The following RIMBP2 variants were observed in gnomAD, a reference collection of about 807,000 sequenced individuals.
RIMBP2 encodes the protein RIMS binding protein 2, also known as RIMS-binding protein 2.
RIMBP2 carries 48 observed loss-of-function variants against 118.6 expected under a neutral mutation model. The observed-to-expected ratio is 0.40, with a 90% CI of 0.32 to 0.51. The LOEUF (loss-of-function observed/expected upper bound fraction) is 0.51. Among genes scored for constraint, RIMBP2 ranks in the 20% least tolerant of loss-of-function variants. RIMBP2 has a pLI of 0.41. For missense variants in RIMBP2, 1,551 were observed against 1,768.3 expected, an observed-to-expected ratio of 0.88 and a Z score of 2.20; for synonymous variants, 762 against 742.9, an observed-to-expected ratio of 1.03 and a Z score of -0.42.
At chr12:130,415,511 C>T (rs1477801226) in intron 17 of RIMBP2, among the ~76,000 whole-genome samples, 1 of 152,248 alleles carries the variant, frequency 6.6e-6, no homozygotes, top group Non-Finnish European at 1.5e-5. Flanking sequence ...GATGCCTGCT[C>T]TCACCATTCC....
At chr12:130,580,702 G>T (rs1391894814) in intron 2 of RIMBP2, among the ~76,000 whole-genome samples, 1 of 152,216 alleles carries the variant, frequency 6.6e-6, no homozygotes, top group Non-Finnish European at 1.5e-5. Flanking sequence ...CACTTTGAGA[G>T]GCTGGGGCAG....
At chr12:130,643,855 A>G (rs577195662) in intron 1 of RIMBP2, among the ~76,000 whole-genome samples, 8 of 152,268 alleles carry the variant, frequency 5.3e-5, no homozygotes, top group African/African-American at 1.9e-4. Flanking sequence ...GAACAAGGAA[A>G]CTGGAGAGCA....
intron 2 of RIMBP2, among the ~76,000 whole-genome samples, chr12:130,595,206 T>TGG: frequency 6.6e-6 from 1 of 152,212 alleles, no homozygotes; most frequent in Non-Finnish European, 1.5e-5. Context: ...GAACCATCTC[T>TGG]CTCAGCAAAC....
intron 4 of RIMBP2, among the ~76,000 whole-genome samples, chr12:130,483,833 C>T (rs1321513821): frequency 6.8e-6 from 1 of 146,696 alleles, no homozygotes; most frequent in East Asian, 2.1e-4. Context: ...GAGCCCCGAC[C>T]CTCACCTACA....
At chr12:130,712,585 A>G (rs1950001254) in intron 1 of RIMBP2, among the ~76,000 whole-genome samples, 1 of 152,178 alleles carries the variant, frequency 6.6e-6, no homozygotes, top group Admixed American at 6.5e-5. Flanking sequence ...CTGCTGTCGG[A>G]TCCCTCCTGA....
intron 14 of RIMBP2, among the ~76,000 whole-genome samples, chr12:130,433,419 G>A (rs918534262): frequency 1.3e-5 from 2 of 152,190 alleles, no homozygotes; most frequent in African/African-American, 4.8e-5. Context: ...TCTGTGTAAT[G>A]TGGACCCTGT....
At chr12:130,466,622 T>A (rs2080501626) in intron 6 of RIMBP2, among the ~76,000 whole-genome samples, 1 of 152,146 alleles carries the variant, frequency 6.6e-6, no homozygotes, top group Admixed American at 6.5e-5. Flanking sequence ...CCATTGTGCT[T>A]CTAAATAAGA....
chr12:130,479,086 C>T (rs2081714312), intron 4 of RIMBP2, 70 bp from the exon 5 acceptor site: 2 of 1,291,436 alleles, frequency 1.5e-6, no homozygotes, highest in Non-Finnish European at 2.2e-6. Context: ...CTATACCCTG[C>T]ACCAAGCTGG....
In RIMBP2 at chr12:130,626,553, G is replaced by A. The variant is rs147411589; in HGVS notation, c.-217+1769C>T. 1.8e-3 allele frequency among the ~76,000 whole-genome samples: 246 copies of A among 139,902 alleles called. 1 individual carries two copies. The highest frequency in any genetic ancestry group is 2.6e-3 in the Non-Finnish European group (168 of 64,946). The allele number at this position is 139,902 out of a possible 152,430, so 91.8% of individuals were successfully genotyped here. A position where few individuals can be genotyped will look rare whatever the true frequency, so the allele number is the denominator to read the frequency against. On this transcript the variant is annotated intron_variant, in intron 2 of 22. Transcript: ENST00000690449. ...CATCTTCTCCATTACCATGACTACC[G>A]CCGGCATCACCACCATCTTCTCCAT... is the stretch of plus-strand genomic sequence containing the variant.
rs568418763 is a variant in RIMBP2, at chr12:130,469,745, G to A, written c.153+948C>T. Among the ~76,000 whole-genome samples the A allele has an allele frequency of 1.3e-5, 2 of 152,316 alleles. No homozygotes were observed. Among genetic ancestry groups the A allele is most frequent in the South Asian group, 4.2e-4 (2 of 4,818 alleles). On this transcript the variant is annotated intron_variant, in intron 6 of 22. Coordinates refer to ENST00000690449, the MANE Select transcript of RIMBP2 (RefSeq NM_001393629.1). The surrounding 1 kb of genome is among the most constrained non-coding windows in gnomAD (Gnocchi z 4.8). ...TGGCTGCTGCTCCCCCAGGGACACA[G>A]GACAAGGTCATTCTGAAGAGGGCAG...
intron 1 of RIMBP2, among the ~76,000 whole-genome samples, chr12:130,708,874 G>C (rs995282796): frequency 1.3e-5 from 2 of 152,196 alleles, no homozygotes; most frequent in Non-Finnish European, 2.9e-5. Context: ...GTCCTGCAGC[G>C]CTGTAGTCCC....
intron 5 of RIMBP2, chr12:130,472,309 G>A (rs1237262261): frequency 6.6e-6 from 1 of 152,244 alleles, no homozygotes; most frequent in African/African-American, 2.4e-5. Context: ...ACTTCCTAAA[G>A]TGCGGACACT....
chr12:130,600,809 G>A lies in RIMBP2; in HGVS notation c.-217+27513C>T, dbSNP rs113537290. Reference sequence around the variant, plus strand: ...GAAATTGGCCAGAAGCCCGTGATCCGGTAGTTCATCTGAAAACTCATTTAA... The same window carrying A: ...GAAATTGGCCAGAAGCCCGTGATCCAGTAGTTCATCTGAAAACTCATTTAA... On this transcript the variant is annotated intron_variant, in intron 2 of 22. Coordinates refer to ENST00000690449, the MANE Select transcript of RIMBP2 (RefSeq NM_001393629.1). Among the ~76,000 whole-genome samples the A allele has an allele frequency of 1.8e-3, 274 of 152,240 alleles. 1 individual carries two copies. The highest frequency in any genetic ancestry group is 6.1e-3 in the African/African-American group (252 of 41,508).
chr12:130,466,656 C>T (rs2080504478), intron 6 of RIMBP2, among the ~76,000 whole-genome samples: 1 of 152,206 alleles, frequency 6.6e-6, no homozygotes, highest in Admixed American at 6.5e-5. Flanking sequence ...TAAAAAGCTA[C>T]CTACCTCCCT....
At chr12:130,549,648 G>A (rs933904364) in intron 2 of RIMBP2, among the ~76,000 whole-genome samples, 2 of 152,122 alleles carry the variant, frequency 1.3e-5, no homozygotes, top group African/African-American at 4.8e-5. Flanking sequence ...TGAGGATAAT[G>A]GCCTCCAGCT....
intron 13 of RIMBP2, among the ~76,000 whole-genome samples, chr12:130,435,167 T>C (rs1173983725): frequency 3.3e-5 from 5 of 151,864 alleles, no homozygotes; most frequent in Admixed American, 6.6e-5. Context: ...TGCCACAGCC[T>C]CCCGAGTAGC....
intron 1 of RIMBP2, among the ~76,000 whole-genome samples, chr12:130,664,423 A>ACACGCACGCACGCACACG (rs2063811008): frequency 1.1e-5 from 1 of 88,912 alleles, no homozygotes; most frequent in African/African-American, 3.6e-5. Flanking sequence ...ACACACACGC[A>ACACGCACGCACGCACACG]CACACATGCA....
At chr12:130,444,015 G>A (rs1056606275) in intron 10 of RIMBP2, among the ~76,000 whole-genome samples, 7 of 152,202 alleles carry the variant, frequency 4.6e-5, no homozygotes, top group African/African-American at 9.7e-5. Flanking sequence ...CACAGACAAT[G>A]GAGCCCTGAG....
rs1479050065 is a variant in RIMBP2 at position 130,620,644 on chromosome 12, G to A, written c.-217+7678C>T. 6.6e-6 allele frequency among the ~76,000 whole-genome samples: 1 copy of A among 152,068 alleles called. No homozygotes were observed. The highest frequency in any genetic ancestry group is 2.4e-5 in the African/African-American group (1 of 41,410). On this transcript the variant is annotated intron_variant, in intron 2 of 22. Transcript: ENST00000690449. The surrounding 1 kb of genome is among the most constrained non-coding windows in gnomAD (Gnocchi z 5.3). ...GGCTTCTGTGGTGGCTGACATTCTT[G>A]GTACTTCGTGGCTCCTAGAAGCACC...
Sources: gnomAD v4.1 joint callset for allele counts (sites outside exome capture counted in the v4.1 genomes callset) on GRCh38, gnomAD v4.1.1 for gene constraint, Gnocchi (gnomAD v3.1) non-coding constraint, MANE v1.5 for transcripts, NCBI Gene and HGNC (gene_info 2026-07-23, HGNC 2026-07-21) for gene names.